The following DCC variants were observed in gnomAD, a reference collection of about 807,000 sequenced individuals.
DCC encodes netrin receptor DCC.
A neutral mutation model predicts 172.5 loss-of-function variants in DCC; 58 were observed. That is an observed-to-expected ratio of 0.34 (90% CI 0.27 to 0.42). The LOEUF (loss-of-function observed/expected upper bound fraction) is 0.42, where lower values mean the gene tolerates loss of function less well. Among genes scored for constraint, DCC ranks in the 10% least tolerant of loss-of-function variants. The probability of loss-of-function intolerance (pLI) is 1.00; values close to 1 mark genes in which losing one functional copy is unlikely to be tolerated. For synonymous variants in DCC, 709 were observed against 644.5 expected, an observed-to-expected ratio of 1.10 and a Z score of -1.52; for missense variants, 1,740 against 1,791.0, an observed-to-expected ratio of 0.97 and a Z score of 0.51.
chr18:52,885,104 T>C (rs1030251107), intron 2 of DCC, among the ~76,000 whole-genome samples: 6 of 152,100 alleles, frequency 3.9e-5, no homozygotes, highest in Non-Finnish European at 5.9e-5. Flanking sequence ...CTGGTTCAGA[T>C]CTGAAGCAAA....
chr18:53,181,823 T>A (rs1025138871), intron 9 of DCC, among the ~76,000 whole-genome samples: 1 of 152,146 alleles, frequency 6.6e-6, no homozygotes, highest in Non-Finnish European at 1.5e-5. Context: ...GGGGAACTTA[T>A]AAGAAGTTGG....
At chr18:52,815,983 C>T (rs1287068446) in intron 2 of DCC, among the ~76,000 whole-genome samples, 1 of 152,174 alleles carries the variant, frequency 6.6e-6, no homozygotes, top group Admixed American at 6.5e-5. Flanking sequence ...AAGAGATAAA[C>T]CAACCAATTA....
intron 5 of DCC, among the ~76,000 whole-genome samples, chr18:53,036,498 TTCTA>T (rs1461948583): frequency 6.6e-6 from 1 of 152,070 alleles, no homozygotes; most frequent in Non-Finnish European, 1.5e-5. Context: ...TTTTGCAACT[TTCTA>T]TCTGATTTCA....
At chr18:53,435,066 G>A in intron 21 of DCC, 78 bp from the exon 22 acceptor site, 2 of 1,059,734 alleles carry the variant, frequency 1.9e-6, no homozygotes, top group Non-Finnish European at 3.0e-6. Context: ...GTTATTGTGT[G>A]TGTTAAAATA....
chr18:52,611,132 A>AC lies in DCC; in HGVS notation c.92-140914dup, dbSNP rs200712516. 4.6e-3 allele frequency among the ~76,000 whole-genome samples: 700 copies of AC among 150,710 alleles called. 11 individuals are homozygous for AC. Among genetic ancestry groups the AC allele is most frequent in the Middle Eastern group, 0.038 (11 of 292 alleles). On this transcript the variant is annotated intron_variant, in intron 1 of 28. Coordinates refer to ENST00000442544, the MANE Select transcript of DCC (RefSeq NM_005215.4). ...TTTCTCCACCTATAAACCTTCAGTGACCCCCCCCTCCTGACAACCACATCT... is the reference window on the plus strand; with the variant it reads ...TTTCTCCACCTATAAACCTTCAGTGACCCCCCCCCTCCTGACAACCACATCT...
intron 1 of DCC, among the ~76,000 whole-genome samples, chr18:52,675,603 C>T (rs550591910): frequency 1.3e-5 from 2 of 152,164 alleles, no homozygotes; most frequent in South Asian, 4.2e-4. Context: ...GTCCATGGTC[C>T]CTCATATTTG....
At chr18:53,316,361 T>C (rs28868998) in intron 13 of DCC, among the ~76,000 whole-genome samples, 51,858 of 152,030 alleles carry the variant, frequency 0.34, 9,986 homozygotes, top group East Asian at 0.58. Flanking sequence ...CGGTAGCTTA[T>C]AGTATAGATT....
chr18:53,264,415 G>A (rs2056644381), intron 12 of DCC, among the ~76,000 whole-genome samples: 1 of 149,662 alleles, frequency 6.7e-6, no homozygotes, highest in Non-Finnish European at 1.5e-5. Context: ...GGTGGAGGTT[G>A]CAGTGAGCTG....
chr18:52,386,294 A>G (rs1330467829), intron 1 of DCC, among the ~76,000 whole-genome samples: 3 of 152,092 alleles, frequency 2.0e-5, no homozygotes, highest in African/African-American at 7.2e-5. Context: ...TATTCAAAAG[A>G]CCTGTATTAA....
At chr18:52,688,197 T>C (rs2035872696) in intron 1 of DCC, among the ~76,000 whole-genome samples, 2 of 152,190 alleles carry the variant, frequency 1.3e-5, no homozygotes, top group African/African-American at 4.8e-5. Context: ...CTTCCAATTT[T>C]TCCTAAATAA....
chr18:52,503,894 C>G (rs1434017650), intron 1 of DCC, among the ~76,000 whole-genome samples: 1 of 152,154 alleles, frequency 6.6e-6, no homozygotes, highest in Non-Finnish European at 1.5e-5. Flanking sequence ...CCATCCTACA[C>G]AGGTGACTCT....
chr18:53,435,508 A>G (rs1252426711), intron 22 of DCC, among the ~76,000 whole-genome samples: 1 of 152,198 alleles, frequency 6.6e-6, no homozygotes, highest in Non-Finnish European at 1.5e-5. Flanking sequence ...GCTGTTAAAT[A>G]CCAAGATTTT....
intron 27 of DCC, among the ~76,000 whole-genome samples, chr18:53,512,297 A>G (rs1318107827): frequency 7.4e-5 from 11 of 149,224 alleles, no homozygotes; most frequent in South Asian, 2.1e-4. Flanking sequence ...CATCCACACC[A>G]AAAACCCATC....
chr18:52,590,594 G>A (rs1006783501), intron 1 of DCC, among the ~76,000 whole-genome samples: 5 of 152,156 alleles, frequency 3.3e-5, no homozygotes, highest in East Asian at 3.8e-4. Context: ...CTGAGAGTGC[G>A]AAGATGAGGT....
chr18:52,570,012 A>C (rs532113296), intron 1 of DCC, among the ~76,000 whole-genome samples: 37 of 152,216 alleles, frequency 2.4e-4, no homozygotes, highest in Non-Finnish European at 4.9e-4. Flanking sequence ...AGGAGTCAAA[A>C]TACTGGGATC....
At chr18:53,164,166 C>G (rs1285811371) in intron 8 of DCC, among the ~76,000 whole-genome samples, 1 of 152,098 alleles carries the variant, frequency 6.6e-6, no homozygotes, top group Non-Finnish European at 1.5e-5. Flanking sequence ...ATGTTTCATT[C>G]CAATAATTTT....
intron 1 of DCC, among the ~76,000 whole-genome samples, chr18:52,555,971 A>C (rs888055568): frequency 6.6e-6 from 1 of 152,160 alleles, no homozygotes; most frequent in Non-Finnish European, 1.5e-5. Flanking sequence ...TGTTTGCTCT[A>C]ATACTGAGAT....
chr18:53,127,445 C>T (rs538917555), intron 7 of DCC, among the ~76,000 whole-genome samples: 2 of 152,120 alleles, frequency 1.3e-5, no homozygotes, highest in South Asian at 2.1e-4. Context: ...CAGATATTGC[C>T]GGTGTTCTCC....
chr18:52,411,612 T>C (rs754423927), intron 1 of DCC, among the ~76,000 whole-genome samples: 1 of 152,268 alleles, frequency 6.6e-6, no homozygotes, highest in Non-Finnish European at 1.5e-5. Context: ...ACTAGGAACT[T>C]TCCTCCTTTC....
Sources: allele counts gnomAD v4.1 joint callset (sites outside exome capture counted in the v4.1 genomes callset), GRCh38; gene constraint gnomAD v4.1.1; transcripts MANE v1.5; gene names NCBI Gene and HGNC (gene_info 2026-07-23, HGNC 2026-07-21).